CHD1: variants seen among roughly 807,000 people sequenced by gnomAD.
The protein encoded by CHD1 is ATP-dependent chromatin remodeler CHD1.
A neutral mutation model predicts 224.2 loss-of-function variants in CHD1; 36 were observed. That is an observed-to-expected ratio of 0.16 (90% confidence interval 0.12 to 0.21). CHD1 has a LOEUF of 0.21. Among genes scored for constraint, CHD1 ranks in the 10% least tolerant of loss-of-function variants. The pLI, the probability that CHD1 is intolerant of heterozygous loss-of-function variation, is 1.00. For missense variants in CHD1, 1,378 were observed against 1,994.8 expected (o/e 0.69, Z 5.89); for synonymous variants, 668 against 658.3 (o/e 1.01, Z -0.23).
chr5:98,894,058 G>C (rs184481751), intron 13 of CHD1, among the ~76,000 whole-genome samples: 5 of 152,282 alleles, frequency 3.3e-5, no homozygotes, highest in Middle Eastern at 3.4e-3. Flanking sequence ...CTCTGAGTTA[G>C]AGCAGGCCTG....
chr5:98,895,964 T>A (rs1347292645), intron 12 of CHD1, among the ~76,000 whole-genome samples: 1 of 152,060 alleles, frequency 6.6e-6, no homozygotes, highest in Middle Eastern at 3.2e-3. Context: ...CTCAGCACTT[T>A]GGGAGGCCAA....
At position 98,856,088 on chromosome 5, in the gene CHD1, T is replaced by A. The variant is rs1354444357; in HGVS notation, c.*292A>T. ...GACTTAAAAACAGTTTTATCCAGCC[T>A]GTATGGGAGGGCAGTGTTGAGGTCC... On this transcript the variant is annotated 3_prime_UTR_variant, in exon 36 of 36. Coordinates refer to ENST00000614616, the MANE Select transcript of CHD1 (RefSeq NM_001270.4). The A allele has an allele frequency of 4.8e-6, 1 of 209,672 alleles. No individual in the cohort carries two copies. The highest frequency in any genetic ancestry group is 9.8e-6 in the Non-Finnish European group (1 of 101,826). The allele number at this position is 209,672 out of a possible 1,614,324, so 13.0% of individuals were successfully genotyped here. A position where few individuals can be genotyped will look rare whatever the true frequency, so the allele number is the denominator to read the frequency against.
At chr5:98,927,904 C>CT (rs1301125532) in intron 1 of CHD1, among the ~76,000 whole-genome samples, 1 of 152,218 alleles carries the variant, frequency 6.6e-6, no homozygotes, top group East Asian at 1.9e-4. Flanking sequence ...GCTGTGTCCT[C>CT]TCAAGCGTCT....
At chr5:98,879,289 G>C (rs949182112) in intron 23 of CHD1, among the ~76,000 whole-genome samples, 18 of 151,782 alleles carry the variant, frequency 1.2e-4, no homozygotes, top group African/African-American at 4.4e-4. Flanking sequence ...AAAGCAGAAA[G>C]GAAGAAATAA....
chr5:98,916,500 G>C (rs1752742320), intron 2 of CHD1, among the ~76,000 whole-genome samples: 1 of 124,342 alleles, frequency 8.0e-6, no homozygotes, highest in Admixed American at 1.1e-4. Context: ...AGCCGAGATT[G>C]CAACATTGCA....
At chr5:98,885,100 A>G (rs1480023014) in intron 18 of CHD1, among the ~76,000 whole-genome samples, 1 of 152,098 alleles carries the variant, frequency 6.6e-6, no homozygotes, top group Non-Finnish European at 1.5e-5. Context: ...AATAAAGAGT[A>G]AAATTCTTGG....
rs1406042399 is a variant in CHD1, at chr5:98,897,186, T to C, written c.1493+7A>G. 5 of 1,607,280 alleles carry C rather than the reference T, an allele frequency of 3.1e-6. No individual in the cohort carries two copies. In the Middle Eastern group the frequency reaches 8.3e-4, roughly 266 times the overall value. ...CAAATTAAATAGATGATTCAAAATA[T>C]ACTTACTTGCACCAAGAATGAGCAA... On this transcript the variant is annotated splice_region_variant and intron_variant, in intron 11 of 35. Coordinates refer to ENST00000614616, the MANE Select transcript of CHD1 (RefSeq NM_001270.4).
chr5:98,854,409 A>G lies in CHD1; in HGVS notation c.*1971T>C, dbSNP rs995350090. The G allele has an allele frequency of 1.3e-5, 2 of 152,112 alleles. No individual in the cohort carries two copies. Among genetic ancestry groups the G allele is most frequent in the Admixed American group, 1.3e-4 (2 of 15,256 alleles). The allele number at this position is 152,112 out of a possible 1,614,324, so 9.4% of individuals were successfully genotyped here. On this transcript the variant is annotated 3_prime_UTR_variant, in exon 36 of 36. Transcript: ENST00000614616. ...ATTAAAAAATGCCAGCCACCATCTT[A>G]TGACTTAAGCATTATGAATTAGTCA...
chr5:98,901,344 A>G lies in CHD1; in HGVS notation c.438-9T>C, dbSNP rs1751696564. The G allele has an allele frequency of 6.3e-7, 1 of 1,591,694 alleles. No homozygotes were observed. The highest frequency in any genetic ancestry group is 8.5e-7 in the Non-Finnish European group (1 of 1,173,418). ...ACATTTGCCAATCTTCACTGCAGAC[A>G]AAATTTATAAAGTATTTTTATTTGT... On this transcript the variant is annotated splice_polypyrimidine_tract_variant and intron_variant, in intron 5 of 35. Transcript: ENST00000614616.
chr5:98,921,063 AT>A (rs1289231748), intron 2 of CHD1, among the ~76,000 whole-genome samples: 1 of 152,174 alleles, frequency 6.6e-6, no homozygotes, highest in South Asian at 2.1e-4. Flanking sequence ...GAATAAAAAA[AT>A]AAATAAAATG....
chr5:98,867,558 A>ATG (rs71226948), intron 31 of CHD1, among the ~76,000 whole-genome samples: 8,888 of 150,924 alleles, frequency 0.059, 394 homozygotes, highest in African/African-American at 0.13. Flanking sequence ...ACTATTACAC[A>ATG]TGTGTGTGTG....
At chr5:98,894,547 G>GA in intron 13 of CHD1, 50 bp downstream of exon 13, 2 of 671,360 alleles carry the variant, frequency 3.0e-6, no homozygotes, top group African/African-American at 1.8e-5. Flanking sequence ...ATATGATAAA[G>GA]AAAAAACTGA....
At chr5:98,859,183 G>C (rs1406242400) in intron 33 of CHD1, among the ~76,000 whole-genome samples, 168 bp from the exon 34 acceptor site, 1 of 152,044 alleles carries the variant, frequency 6.6e-6, no homozygotes, top group African/African-American at 2.4e-5. Context: ...CATTTTTAAA[G>C]CATGAACTAC....
chr5:98,895,419 C>A (rs1177247578), intron 12 of CHD1, among the ~76,000 whole-genome samples: 3 of 152,126 alleles, frequency 2.0e-5, no homozygotes, highest in Non-Finnish European at 2.9e-5. Context: ...TTATTACATT[C>A]TTCTGTCTGT....
intron 12 of CHD1, among the ~76,000 whole-genome samples, chr5:98,895,516 G>A (rs1369659423): frequency 6.6e-6 from 1 of 152,106 alleles, no homozygotes; most frequent in African/African-American, 2.4e-5. Flanking sequence ...ACTTTGGGAG[G>A]CCAAGGCAGG....
Position 98,893,429 on chromosome 5 carries a change from T to C in CHD1, c.1978A>G (p.Ile660Val). ...AAGTTGTCTTACTTTTCTGGCATAATGAAATGTAGCAAAGACCAGAGCTCT... is the reference window on the plus strand; with the variant it reads ...AAGTTGTCTTACTTTTCTGGCATAACGAAATGTAGCAAAGACCAGAGCTCT... ...LKELWSLLHFIMPEKFSSWED... is the reference protein window; with the variant it reads ...LKELWSLLHFVMPEKFSSWED... Residue 660 changes from isoleucine (I) to valine (V), a missense_variant, in exon 14 of 36, where the codon ATT becomes GTT. Ile to Val is a conservative substitution (Grantham distance 29). Coordinates refer to ENST00000614616, the MANE Select transcript of CHD1 (RefSeq NM_001270.4). The C allele has an allele frequency of 6.3e-7, 1 of 1,589,240 alleles. No homozygotes were observed. The highest frequency in any genetic ancestry group is 8.5e-7 in the Non-Finnish European group (1 of 1,170,354).
chr5:98,902,975 G>C lies in CHD1; in HGVS notation c.373-11C>G. On this transcript the variant is annotated splice_polypyrimidine_tract_variant and intron_variant, in intron 4 of 35. Transcript: ENST00000614616. ...ACTGCTAGAGGAATCCTGTAGAAAA[G>C]AAATAAAGTCAGTATCATCCACTAA... is the stretch of plus-strand genomic sequence containing the variant. 1 of 1,556,432 alleles carries C rather than the reference G, an allele frequency of 6.4e-7. No homozygotes were observed. Among genetic ancestry groups the C allele is most frequent in the Non-Finnish European group, 8.8e-7 (1 of 1,132,928 alleles).
Position 98,883,163 on chromosome 5 carries a change from T to C in CHD1, c.2643A>G (p.Ile881Met). ...INLASADTVV[I>M]FDSDWNPQND... ...TCTGTGGATTCCAATCGGAATCAAATATAACAACAGTGTCAGCAGAGGCTA... is the reference window on the plus strand; with the variant it reads ...TCTGTGGATTCCAATCGGAATCAAACATAACAACAGTGTCAGCAGAGGCTA... Residue 881 changes from isoleucine (I) to methionine (M), a missense_variant, in exon 19 of 36, where the codon ATA becomes ATG. By Grantham distance (10) the Ile-to-Met change is conservative (BLOSUM62 1). Transcript: ENST00000614616. The C allele has an allele frequency of 6.2e-7, 1 of 1,610,100 alleles. No individual in the cohort carries two copies. The highest frequency in any genetic ancestry group is 8.5e-7 in the Non-Finnish European group (1 of 1,178,154).
intron 22 of CHD1, among the ~76,000 whole-genome samples, chr5:98,880,057 A>ACCAGT (rs1361907113): frequency 6.6e-6 from 1 of 152,226 alleles, no homozygotes; most frequent in African/African-American, 2.4e-5. Flanking sequence ...AAATTCTCAG[A>ACCAGT]CCAGTCCACC....
Sources: allele counts gnomAD v4.1 joint callset (sites outside exome capture counted in the v4.1 genomes callset), GRCh38; gene constraint gnomAD v4.1.1; transcripts MANE v1.5; gene names NCBI Gene and HGNC (gene_info 2026-07-23, HGNC 2026-07-21).